The following ABCA13 variants were observed in gnomAD, a reference collection of about 807,000 sequenced individuals.
The protein encoded by ABCA13 is ATP binding cassette subfamily A member 13.
ABCA13 carries 476 observed loss-of-function variants against 478.7 expected under a neutral mutation model. The observed-to-expected ratio is 0.99, with a 90% CI of 0.92 to 1.07. The LOEUF is 1.07. Among genes scored for constraint, ABCA13 ranks in the 50% least tolerant of loss-of-function variants. The pLI, the probability that ABCA13 is intolerant of heterozygous loss-of-function variation, is 0.00. For synonymous variants in ABCA13, 2,252 were observed against 2,158.9 expected (o/e 1.04, Z -1.20); for missense variants, 6,060 against 5,910.6 (o/e 1.03, Z -0.83).
intron 29 of ABCA13, among the ~76,000 whole-genome samples, chr7:48,342,305 C>G (rs12534609): frequency 0.081 from 12,245 of 152,104 alleles, 684 homozygotes; most frequent in Middle Eastern, 0.15. Flanking sequence ...TCCTCACTGT[C>G]TCCTTGTTCC....
intron 53 of ABCA13, among the ~76,000 whole-genome samples, chr7:48,521,547 G>A (rs1430951210): frequency 1.3e-5 from 2 of 152,110 alleles, no homozygotes; most frequent in Non-Finnish European, 1.5e-5. Context: ...ACTGAACCTG[G>A]AGTAAAATGC....
At chr7:48,535,981 T>C (rs1833546896) in intron 55 of ABCA13, among the ~76,000 whole-genome samples, 2 of 152,332 alleles carry the variant, frequency 1.3e-5, no homozygotes, top group East Asian at 1.9e-4. Flanking sequence ...TTTTCCGATG[T>C]CTCATTGAGC....
intron 59 of ABCA13, among the ~76,000 whole-genome samples, chr7:48,633,904 GTAGATAGATACATAGA>G (rs1554589091): frequency 7.4e-6 from 1 of 135,516 alleles, no homozygotes; most frequent in East Asian, 2.1e-4. Flanking sequence ...TCATAGATAG[GTAGATAGATACATAGA>G]TAGATAGATA....
At position 48,478,290 on chromosome 7, in the gene ABCA13, A is replaced by ATT. The variant is rs995860359; in HGVS notation, c.12976-2743_12976-2742dup. Among the ~76,000 whole-genome samples the ATT allele has an allele frequency of 1.3e-4, 15 of 114,914 alleles. No individual in the cohort carries two copies. The East Asian group carries it at 1.5e-3, about 11-fold the overall frequency. The allele number at this position is 114,914 out of a possible 152,430, so 75.4% of individuals were successfully genotyped here. The stretch of plus-strand genomic sequence containing the variant: ...CATTTTTATATATATCATATATATC[A>ATT]TTTTATATATATATATATATAATCA... On this transcript the variant is annotated intron_variant, in intron 45 of 61. Coordinates refer to ENST00000435803, the MANE Select transcript of ABCA13 (RefSeq NM_152701.5).
chr7:48,300,491 T>C (rs1045520704), intron 23 of ABCA13, among the ~76,000 whole-genome samples: 13 of 152,118 alleles, frequency 8.5e-5, no homozygotes, highest in Admixed American at 8.5e-4. Flanking sequence ...AACACAACAA[T>C]GAGGACAGGT....
At position 48,271,411 on chromosome 7, in the gene ABCA13, G is replaced by A. The variant is rs530562792; in HGVS notation, c.2121-376G>A. Among the ~76,000 whole-genome samples, 125 of 152,248 alleles carry A rather than the reference G, an allele frequency of 8.2e-4. 1 individual carries two copies. Among genetic ancestry groups the A allele is most frequent in the Non-Finnish European group, 1.5e-3 (102 of 68,008 alleles). ...AAACCCTACAGGCATGGTTTCTAAT[G>A]CACTCCACTATCTGTGCTACCTTTA... On this transcript the variant is annotated intron_variant, in intron 16 of 61. Transcript: ENST00000435803.
In ABCA13 at chr7:48,274,183, A is replaced by G. The variant is rs986655568; in HGVS notation, c.4517A>G (p.Asn1506Ser). The change falls in exon 17 of 62, where the codon AAC becomes AGC. Residue 1506 changes from asparagine to serine, a missense_variant. Physicochemically the swap from Asn to Ser is conservative, Grantham distance 46. This residue lies in a region of ABCA13 where 4,423 missense variants were observed against 4,309.1 expected (regional missense o/e 1.03). Transcript: ENST00000435803. ...STKQVRMSINNLTTDFDFASQ... is the reference protein window; with the variant it reads ...STKQVRMSINSLTTDFDFASQ... ...AAGCAAGTAAGGATGAGTATCAACA[A>G]CTTAACAACAGACTTTGATTTTGCA... 1.9e-5 allele frequency: 30 copies of G among 1,612,044 alleles called. No individual in the cohort carries two copies. Among genetic ancestry groups the G allele is most frequent in the Non-Finnish European group, 2.5e-5 (29 of 1,178,752 alleles).
chr7:48,601,314 G>T (rs544138247), intron 58 of ABCA13, among the ~76,000 whole-genome samples: 155 of 152,206 alleles, frequency 1.0e-3, no homozygotes, highest in Middle Eastern at 3.4e-3. Context: ...TGCCATGGTG[G>T]TTTGCAGCAC....
In ABCA13 at chr7:48,278,440, G is replaced by A. The variant is rs1444653111; in HGVS notation, c.7246G>A (p.Val2416Ile). The A allele has an allele frequency of 2.5e-6, 4 of 1,613,946 alleles. No individual in the cohort carries two copies. Among genetic ancestry groups the A allele is most frequent in the Middle Eastern group, 3.3e-4 (2 of 6,062 alleles). The change falls in exon 18 of 62, where the codon GTA becomes ATA. Residue 2416 changes from valine to isoleucine, a missense_variant. Coordinates refer to ENST00000435803, the MANE Select transcript of ABCA13 (RefSeq NM_152701.5). ...AGATCTTGGGTCAGCTCTTCACCTT[G>A]TAAGAGAATGTTCAACAGAGATGGC... Reference protein sequence around the residue: ...NQDLGSALHLVRECSTEMARL... With the variant: ...NQDLGSALHLIRECSTEMARL...
intron 6 of ABCA13, among the ~76,000 whole-genome samples, chr7:48,229,476 C>G (rs1788732561): frequency 3.3e-5 from 5 of 152,290 alleles, no homozygotes; most frequent in Admixed American, 3.3e-4. Flanking sequence ...CCCTTTGCAC[C>G]CTGGCTGGCC....
chr7:48,305,563 C>T (rs1221526909), intron 23 of ABCA13, among the ~76,000 whole-genome samples: 2 of 152,296 alleles, frequency 1.3e-5, no homozygotes, highest in South Asian at 2.1e-4. Flanking sequence ...GTTTCCCTTC[C>T]GGTCACAACT....
chr7:48,364,834 T>C (rs1811429534), intron 31 of ABCA13, among the ~76,000 whole-genome samples: 1 of 152,220 alleles, frequency 6.6e-6, no homozygotes, highest in South Asian at 2.1e-4. Context: ...GTTGATTCCA[T>C]ATCTTAGCTA....
At chr7:48,516,194 G>T (rs1420262719) in intron 51 of ABCA13, among the ~76,000 whole-genome samples, 2 of 152,178 alleles carry the variant, frequency 1.3e-5, no homozygotes, top group Admixed American at 6.5e-5. Flanking sequence ...TGCTTTCAGA[G>T]AATTCGGTTA....
chr7:48,248,520 TGATA>T lies in ABCA13; in HGVS notation c.1865+80_1865+83del, dbSNP rs960095375. 29 of 1,192,742 alleles carry T rather than the reference TGATA, an allele frequency of 2.4e-5. No individual in the cohort carries two copies. The African/African-American group carries it at 4.1e-4, about 17-fold the overall frequency. The allele number at this position is 1,192,742 out of a possible 1,614,324, so 73.9% of individuals were successfully genotyped here. ...ATTTCAACTGCCCCTTCTACACAAA[TGATA>T]GATCAATATGGTAGATTATATTTTG... On this transcript the variant is annotated intron_variant, in intron 14 of 61. Coordinates refer to ENST00000435803, the MANE Select transcript of ABCA13 (RefSeq NM_152701.5).
In ABCA13 at chr7:48,276,217, C is replaced by G. The variant is rs762506178; in HGVS notation, c.6551C>G (p.Ala2184Gly). 6.3e-7 allele frequency: 1 copy of G among 1,579,774 alleles called. No homozygotes were observed. The highest frequency in any genetic ancestry group is 1.3e-5 in the African/African-American group (1 of 74,130). ...TCTAGAGCAGGCAATTTTGATGTTG[C>G]CTTTCTTACCCATCTGCTAAATCAA... is the stretch of plus-strand genomic sequence containing the variant. ...NISRAGNFDV[A>G]FLTHLLNQEQ... is the part of the protein sequence containing the mutation. Residue 2184 changes from alanine to glycine, a missense_variant, in exon 17 of 62, where the codon GCC (alanine) becomes GGC (glycine). Physicochemically the swap from Ala to Gly is moderately conservative, Grantham distance 60. Around this residue, in one of 3 missense-constraint regions of ABCA13, gnomAD observed 4,423 missense variants for 4,309.1 expected, o/e 1.03. Coordinates refer to ENST00000435803, the MANE Select transcript of ABCA13 (RefSeq NM_152701.5).
At chr7:48,205,956 T>C (rs935113791) in intron 3 of ABCA13, among the ~76,000 whole-genome samples, 1 of 152,192 alleles carries the variant, frequency 6.6e-6, no homozygotes, top group African/African-American at 2.4e-5. Context: ...GTAACCACCA[T>C]CATGATTGAA....
In ABCA13 at chr7:48,295,867, T is replaced by C; in HGVS notation, c.9119+4T>C. The C allele has an allele frequency of 6.3e-7, 1 of 1,597,754 alleles. No homozygotes were observed. Among genetic ancestry groups the C allele is most frequent in the African/African-American group, 1.3e-5 (1 of 74,400 alleles). ...CGGTGCAGCAGCACTTGTACATGTA[T>C]GCTCTGATATTCTTTCATGCCCTCC... On this transcript the variant is annotated splice_donor_region_variant and intron_variant, in intron 21 of 61. Coordinates refer to ENST00000435803, the MANE Select transcript of ABCA13 (RefSeq NM_152701.5).
At chr7:48,630,625 A>G (rs946932852) in intron 59 of ABCA13, among the ~76,000 whole-genome samples, 1 of 152,178 alleles carries the variant, frequency 6.6e-6, no homozygotes, top group Non-Finnish European at 1.5e-5. Flanking sequence ...ATATACATGC[A>G]TGTGTCTTTA....
At chr7:48,440,682 A>AT (rs1423330461) in intron 42 of ABCA13, among the ~76,000 whole-genome samples, 1 of 151,796 alleles carries the variant, frequency 6.6e-6, no homozygotes, top group African/African-American at 2.4e-5. Context: ...AGTTAGAATA[A>AT]TTTATGTTGA....
Sources: allele counts gnomAD v4.1 joint callset (sites outside exome capture counted in the v4.1 genomes callset), GRCh38; gene constraint gnomAD v4.1.1; regional missense constraint gnomAD v4.1.1; transcripts MANE v1.5; gene names NCBI Gene and HGNC (gene_info 2026-07-23, HGNC 2026-07-21).